RPS6KA5: variants seen among roughly 807,000 people sequenced by gnomAD.
RPS6KA5 encodes the protein ribosomal protein S6 kinase A5.
A neutral mutation model predicts 85.5 loss-of-function variants in RPS6KA5; 27 were observed. That is an observed-to-expected ratio of 0.32 (90% CI 0.23 to 0.44). The LOEUF (loss-of-function observed/expected upper bound fraction) is 0.44. Ranked by LOEUF, RPS6KA5 falls within the 20% of genes least tolerant of loss-of-function variation. RPS6KA5 has a pLI of 1.00. For synonymous variants in RPS6KA5, 334 were observed against 348.2 expected (o/e 0.96, Z 0.46); for missense variants, 811 against 980.9 (o/e 0.83, Z 2.31).
chr14:91,046,887 C>G (rs1595552381), intron 1 of RPS6KA5, among the ~76,000 whole-genome samples: 1 of 151,670 alleles, frequency 6.6e-6, no homozygotes, highest in Non-Finnish European at 1.5e-5. Flanking sequence ...ATTTAAGAAG[C>G]AAAACAGGCC....
intron 3 of RPS6KA5, among the ~76,000 whole-genome samples, chr14:90,954,889 T>C (rs1267715233): frequency 6.6e-6 from 1 of 152,250 alleles, no homozygotes; most frequent in Non-Finnish European, 1.5e-5. Context: ...TGTATGTTGG[T>C]ATACAGTTGT....
chr14:91,019,077 G>A (rs549567816), intron 1 of RPS6KA5, among the ~76,000 whole-genome samples: 3 of 152,098 alleles, frequency 2.0e-5, no homozygotes, highest in Non-Finnish European at 2.9e-5. Flanking sequence ...GCTGTATCAT[G>A]TTAGGCAGAT....
chr14:90,938,688 T>C (rs1194307260), intron 5 of RPS6KA5, among the ~76,000 whole-genome samples: 2 of 152,198 alleles, frequency 1.3e-5, no homozygotes, highest in African/African-American at 4.8e-5. Context: ...TTCCATCCTC[T>C]GAAGCAACAG....
chr14:90,982,042 T>C (rs2039810879), intron 2 of RPS6KA5, among the ~76,000 whole-genome samples: 1 of 152,242 alleles, frequency 6.6e-6, no homozygotes, highest in African/African-American at 2.4e-5. Flanking sequence ...AGTCCTTCTG[T>C]TGAATAATGC....
chr14:91,040,669 AG>A, intron 1 of RPS6KA5, among the ~76,000 whole-genome samples: 2 of 152,294 alleles, frequency 1.3e-5, no homozygotes, highest in South Asian at 4.1e-4. Context: ...ACAAGAAAAC[AG>A]GGCTGACAAT....
intron 4 of RPS6KA5, 86 bp from the exon 5 acceptor site, chr14:90,943,271 A>ATT (rs71117390): frequency 0.043 from 23,458 of 541,346 alleles, 2 homozygotes; most frequent in East Asian, 0.091. Context: ...TTATTTATTT[A>ATT]TTTTTTTTTT....
intron 3 of RPS6KA5, among the ~76,000 whole-genome samples, chr14:90,974,877 G>A (rs1363103725): frequency 6.6e-6 from 1 of 152,180 alleles, no homozygotes; most frequent in Non-Finnish European, 1.5e-5. Context: ...TAGGTGGTTT[G>A]TTATACAGCA....
chr14:90,978,307 T>C lies in RPS6KA5; in HGVS notation c.393A>G (p.Leu131=), dbSNP rs758244156. The change falls in exon 3 of 17, where the codon TTA becomes TTG. Residue 131 remains leucine (L), a splice_region_variant and synonymous_variant. Coordinates refer to ENST00000614987, the MANE Select transcript of RPS6KA5 (RefSeq NM_004755.4). ...FQTETKLHLI[L]DYINGGELFT... ...AGTCTGATAACAACTGACACTTACC[T>C]AAAATGAGATGAAGTTTGGTTTCTG... The C allele has an allele frequency of 1.3e-6, 2 of 1,597,420 alleles. No individual in the cohort carries two copies. Among genetic ancestry groups the C allele is most frequent in the South Asian group, 2.3e-5 (2 of 87,110 alleles).
chr14:90,949,595 GTC>G (rs1261377259), intron 3 of RPS6KA5, among the ~76,000 whole-genome samples: 1 of 152,164 alleles, frequency 6.6e-6, no homozygotes, highest in Non-Finnish European at 1.5e-5. Flanking sequence ...TAAGAGGCCA[GTC>G]TACTATTTAA....
At chr14:90,975,707 C>T (rs1463207916) in intron 3 of RPS6KA5, among the ~76,000 whole-genome samples, 2 of 152,092 alleles carry the variant, frequency 1.3e-5, no homozygotes, top group Admixed American at 6.5e-5. Context: ...GTGTATAGCA[C>T]GATATTTGGG....
At chr14:90,888,350 G>A (rs993298995) in intron 14 of RPS6KA5, among the ~76,000 whole-genome samples, 1 of 152,106 alleles carries the variant, frequency 6.6e-6, no homozygotes, top group Admixed American at 6.5e-5. Context: ...TTGGCCTTTA[G>A]CAAGAGAAAA....
intron 14 of RPS6KA5, among the ~76,000 whole-genome samples, chr14:90,885,252 C>CAAA (rs997481800): frequency 2.2e-4 from 22 of 101,812 alleles, no homozygotes; most frequent in South Asian, 1.6e-3. Context: ...GATCTTGTCT[C>CAAA]AAAAAAAAAA....
intron 5 of RPS6KA5, among the ~76,000 whole-genome samples, chr14:90,930,352 G>C: frequency 6.6e-6 from 1 of 152,112 alleles, no homozygotes; most frequent in Non-Finnish European, 1.5e-5. Context: ...TACTTAAAAG[G>C]TAATTGGGTT....
chr14:91,056,087 A>G (rs1470393421), intron 1 of RPS6KA5, among the ~76,000 whole-genome samples: 2 of 152,204 alleles, frequency 1.3e-5, no homozygotes, highest in African/African-American at 2.4e-5. Flanking sequence ...CCAATAAGCT[A>G]AGCCACTCCT....
intron 1 of RPS6KA5, 105 bp downstream of exon 1, chr14:91,060,227 G>A (rs1184539646): frequency 1.1e-6 from 1 of 950,814 alleles, no homozygotes; most frequent in Non-Finnish European, 1.2e-6. Flanking sequence ...CCGCCCCTCC[G>A]CGCCCACGGC....
intron 1 of RPS6KA5, among the ~76,000 whole-genome samples, chr14:91,018,323 G>T (rs901639948): frequency 2.5e-4 from 38 of 152,164 alleles, no homozygotes; most frequent in African/African-American, 8.2e-4. Context: ...TACTGTGATG[G>T]TTAATAGCAG....
At chr14:91,032,172 C>G (rs1005542299) in intron 1 of RPS6KA5, among the ~76,000 whole-genome samples, 1 of 152,052 alleles carries the variant, frequency 6.6e-6, no homozygotes, top group Non-Finnish European at 1.5e-5. Flanking sequence ...ATTCAACATA[C>G]AGAAAAGTCT....
At chr14:90,890,796 G>A in intron 13 of RPS6KA5, 118 bp from the exon 14 acceptor site, 4 of 855,764 alleles carry the variant, frequency 4.7e-6, no homozygotes, top group South Asian at 3.3e-5. Flanking sequence ...AGGTCTCATG[G>A]GGAGGCGCGA....
intron 14 of RPS6KA5, among the ~76,000 whole-genome samples, chr14:90,889,605 T>C (rs2034440439): frequency 6.6e-6 from 1 of 152,122 alleles, no homozygotes; most frequent in African/African-American, 2.4e-5. Flanking sequence ...AAAAATTCAT[T>C]TGTGTAGCTT....
Sources: gnomAD v4.1 joint callset for allele counts (sites outside exome capture counted in the v4.1 genomes callset) on GRCh38, gnomAD v4.1.1 for gene constraint, MANE v1.5 for transcripts, NCBI Gene and HGNC (gene_info 2026-07-23, HGNC 2026-07-21) for gene names.